Variants in MCU observed in about 807,000 individuals in gnomAD.
MCU encodes mitochondrial calcium uniporter.
A neutral mutation model predicts 45.2 loss-of-function variants in MCU; 12 were observed. The ratio of observed to expected loss-of-function variants is 0.27; its 90% CI spans 0.17 to 0.43. The LOEUF (loss-of-function observed/expected upper bound fraction) is 0.43. Among genes scored for constraint, MCU ranks in the 20% least tolerant of loss-of-function variants. The pLI is 1.00. For synonymous variants in MCU, 160 were observed against 165.1 expected, an observed-to-expected ratio of 0.97 and a Z score of 0.24; for missense variants, 324 against 436.7, an observed-to-expected ratio of 0.74 and a Z score of 2.30.
chr10:72,807,169 A>G (rs1844465360), intron 1 of MCU, among the ~76,000 whole-genome samples: 1 of 152,166 alleles, frequency 6.6e-6, no homozygotes, highest in African/African-American at 2.4e-5. Flanking sequence ...CTGAGCTTAA[A>G]AGCCTGATGG....
intron 1 of MCU, among the ~76,000 whole-genome samples, chr10:72,786,746 A>C (rs564557642): frequency 6.6e-6 from 1 of 152,204 alleles, no homozygotes; most frequent in East Asian, 1.9e-4. Flanking sequence ...ACAATGTCTC[A>C]AAATAAATAA....
chr10:72,850,848 G>A (rs1177945559), intron 2 of MCU, among the ~76,000 whole-genome samples: 1 of 152,086 alleles, frequency 6.6e-6, no homozygotes, highest in Non-Finnish European at 1.5e-5. Flanking sequence ...CAAAGCAAAA[G>A]ATTAAAAAAT....
intron 6 of MCU, among the ~76,000 whole-genome samples, chr10:72,880,392 C>A (rs1307814625): frequency 6.7e-6 from 1 of 148,306 alleles, no homozygotes; most frequent in African/African-American, 2.4e-5. Flanking sequence ...ATATTGCTAG[C>A]AACAAATGGT....
intron 1 of MCU, among the ~76,000 whole-genome samples, chr10:72,802,906 C>T (rs2132784581): frequency 6.6e-6 from 1 of 152,282 alleles, no homozygotes; most frequent in East Asian, 1.9e-4. Flanking sequence ...TAGCATTTCA[C>T]TATAGTTTAA....
chr10:72,880,490 A>C (rs776841776), intron 6 of MCU, among the ~76,000 whole-genome samples: 1 of 150,232 alleles, frequency 6.7e-6, no homozygotes, highest in African/African-American at 2.5e-5. Flanking sequence ...GGGGGGGGGA[A>C]ACCCTAGAAA....
At chr10:72,802,009 T>C (rs528407602) in intron 1 of MCU, among the ~76,000 whole-genome samples, 1 of 152,298 alleles carries the variant, frequency 6.6e-6, no homozygotes, top group East Asian at 1.9e-4. Context: ...CACATTTGTG[T>C]GGCATTTCCT....
rs573055160 is a variant in MCU, at chr10:72,817,390, A to G, written c.151-16969A>G. Reference sequence around the variant, plus strand: ...TTGACCTTACCTCCTTCTTAATAGTAGCCTGAGGTAGGCTAGTTTGCTATA... The same window carrying G: ...TTGACCTTACCTCCTTCTTAATAGTGGCCTGAGGTAGGCTAGTTTGCTATA... On this transcript the variant is annotated intron_variant, in intron 1 of 7. Coordinates refer to ENST00000373053, the MANE Select transcript of MCU (RefSeq NM_138357.3). Among the ~76,000 whole-genome samples, 3 of 152,312 alleles carry G rather than the reference A, an allele frequency of 2.0e-5. No individual in the cohort carries two copies. The South Asian group carries it at 6.2e-4, about 32-fold the overall frequency.
intron 2 of MCU, among the ~76,000 whole-genome samples, chr10:72,839,934 A>T (rs1027849608): frequency 2.2e-5 from 3 of 138,086 alleles, no homozygotes; most frequent in African/African-American, 5.4e-5. Context: ...ACTGCACTCC[A>T]GCCTGGGTGA....
At chr10:72,812,150 GT>G (rs1204155418) in intron 1 of MCU, among the ~76,000 whole-genome samples, 1 of 149,624 alleles carries the variant, frequency 6.7e-6, no homozygotes, top group East Asian at 2.0e-4. Context: ...TTTTCTTTTT[GT>G]TTTTTTTCTT....
intron 2 of MCU, among the ~76,000 whole-genome samples, chr10:72,837,942 C>T (rs1033186503): frequency 1.3e-4 from 20 of 151,296 alleles, no homozygotes; most frequent in African/African-American, 4.1e-4. Context: ...CTGCAACTTC[C>T]GCCTCCCGGG....
chr10:72,834,391 G>T lies in MCU; in HGVS notation c.183G>T (p.Leu61Phe). The T allele has an allele frequency of 1.2e-6, 2 of 1,613,854 alleles. No homozygotes were observed. Among genetic ancestry groups the T allele is most frequent in the Non-Finnish European group, 1.7e-6 (2 of 1,179,826 alleles). ...VHQRIASWQN[L>F]GAVYCSTVVP... Reference sequence around the variant, plus strand: ...AGAGGATCGCTTCCTGGCAGAATTTGGGAGCTGTTTATTGCAGCACTGTTG... The same window carrying T: ...AGAGGATCGCTTCCTGGCAGAATTTTGGAGCTGTTTATTGCAGCACTGTTG... Residue 61 changes from leucine to phenylalanine, a missense_variant, in exon 2 of 8, where the codon TTG (leucine) becomes TTT (phenylalanine). Physicochemically the swap from Leu to Phe is conservative, Grantham distance 22. Transcript: ENST00000373053.
At chr10:72,771,810 C>T (rs188298755) in intron 1 of MCU, among the ~76,000 whole-genome samples, 25 of 152,210 alleles carry the variant, frequency 1.6e-4, no homozygotes, top group African/African-American at 5.8e-4. Context: ...TCCTAATGCT[C>T]TCCCTCCCCT....
chr10:72,881,603 A>G (rs1440497844), intron 6 of MCU, among the ~76,000 whole-genome samples: 1 of 152,368 alleles, frequency 6.6e-6, no homozygotes, highest in East Asian at 1.9e-4. Flanking sequence ...GGAAGGAGAT[A>G]CTTGCAGTAT....
At chr10:72,869,146 C>G (rs112863927) in intron 5 of MCU, among the ~76,000 whole-genome samples, 1 of 152,164 alleles carries the variant, frequency 6.6e-6, no homozygotes, top group Admixed American at 6.5e-5. Flanking sequence ...AACTGCTGAT[C>G]AGGAAAGGCT....
At chr10:72,810,235 G>T (rs1000980570) in intron 1 of MCU, among the ~76,000 whole-genome samples, 3 of 152,018 alleles carry the variant, frequency 2.0e-5, no homozygotes, top group Non-Finnish European at 4.4e-5. Flanking sequence ...AAAGAAAATT[G>T]AGAGAAACTT....
chr10:72,728,384 A>C (rs1392201267), intron 1 of MCU, among the ~76,000 whole-genome samples: 1 of 152,218 alleles, frequency 6.6e-6, no homozygotes, highest in Non-Finnish European at 1.5e-5. Context: ...TAACTAGTTG[A>C]TTATTAATAA....
At chr10:72,731,488 A>G (rs895964322) in intron 1 of MCU, among the ~76,000 whole-genome samples, 1 of 152,098 alleles carries the variant, frequency 6.6e-6, no homozygotes, top group Non-Finnish European at 1.5e-5. Context: ...CACCCTTTTA[A>G]AGTATACAAT....
chr10:72,861,618 A>G, intron 4 of MCU: 1 of 357,832 alleles, frequency 2.8e-6, no homozygotes, highest in South Asian at 2.2e-5. Flanking sequence ...AAGTGCTGTG[A>G]TTACAGGCAT....
At chr10:72,824,468 C>T (rs1844765671) in intron 1 of MCU, among the ~76,000 whole-genome samples, 1 of 151,874 alleles carries the variant, frequency 6.6e-6, no homozygotes, top group African/African-American at 2.4e-5. Flanking sequence ...CTCAGCCTCC[C>T]AAAGTGCTGG....
Sources: allele counts gnomAD v4.1 joint callset (sites outside exome capture counted in the v4.1 genomes callset), GRCh38; gene constraint gnomAD v4.1.1; transcripts MANE v1.5; gene names NCBI Gene and HGNC (gene_info 2026-07-23, HGNC 2026-07-21).